LYPD1: variants seen among roughly 807,000 people sequenced by gnomAD.
LYPD1 encodes LY6/PLAUR domain containing 1, also known as ly6/PLAUR domain-containing protein 1.
A neutral mutation model predicts 14.2 loss-of-function variants in LYPD1; 14 were observed. The observed-to-expected ratio is 0.99, with a 90% CI of 0.65 to 1.54. LYPD1 has a LOEUF of 1.54. LYPD1 is among the 40% of genes most tolerant of loss of function. The pLI is 0.00. For missense variants in LYPD1, 165 were observed against 175.7 expected, an observed-to-expected ratio of 0.94 and a Z score of 0.34; for synonymous variants, 85 against 70.6, an observed-to-expected ratio of 1.20 and a Z score of -1.02.
In LYPD1 at chr2:132,643,439, G is replaced by A. The variant is rs1236249538; in HGVS notation, c.*2606C>T. On this transcript the variant is annotated 3_prime_UTR_variant, in exon 3 of 3. Coordinates refer to ENST00000397463, the MANE Select transcript of LYPD1 (RefSeq NM_144586.7). ...ACAGCTAGGGTCCCCTCCAACAGCA[G>A]GCAAGGAATACTCAGGCCAGTGCAT... Among the ~76,000 whole-genome samples the A allele has an allele frequency of 6.6e-6, 1 of 152,176 alleles. No individual in the cohort carries two copies. The highest frequency in any genetic ancestry group is 1.9e-4 in the East Asian group (1 of 5,184).
chr2:132,647,560 T>C (rs1041091754), intron 2 of LYPD1, among the ~76,000 whole-genome samples: 8 of 152,252 alleles, frequency 5.3e-5, no homozygotes, highest in African/African-American at 1.9e-4. Context: ...CTCGATCTCC[T>C]GACCTTGTGA....
At position 132,645,231 on chromosome 2, in the gene LYPD1, G is replaced by A. The variant is rs374846430; in HGVS notation, c.*814C>T. 1.6e-4 allele frequency: 256 copies of A among 1,614,010 alleles called. No individual in the cohort carries two copies. Among genetic ancestry groups the A allele is most frequent in the Non-Finnish European group, 1.5e-4 (176 of 1,180,036 alleles). On this transcript the variant is annotated 3_prime_UTR_variant, in exon 3 of 3. Transcript: ENST00000397463. ...CGTACATGATCCTCCTCCCCTTCTC[G>A]GAGACGTTTTTCTACCTCAGCTCGG... is the stretch of plus-strand genomic sequence containing the variant.
At chr2:132,666,857 G>A (rs537869742) in intron 2 of LYPD1, 1 of 152,286 alleles carries the variant, frequency 6.6e-6, no homozygotes, top group South Asian at 2.1e-4. Context: ...ATGACACCCA[G>A]GTAAGCAGTG....
intron 2 of LYPD1, among the ~76,000 whole-genome samples, chr2:132,651,812 C>T (rs74628214): frequency 0.065 from 9,951 of 152,266 alleles, 457 homozygotes; most frequent in Non-Finnish European, 0.097. Context: ...CATGTAAGTG[C>T]GTGAGTTGCC....
At chr2:132,657,599 C>G (rs1244109077) in intron 2 of LYPD1, among the ~76,000 whole-genome samples, 1 of 152,114 alleles carries the variant, frequency 6.6e-6, no homozygotes, top group Admixed American at 6.6e-5. Flanking sequence ...CCCAAAGCAC[C>G]CTTATATTTG....
chr2:132,657,518 T>C (rs908040781), intron 2 of LYPD1, among the ~76,000 whole-genome samples: 5 of 152,210 alleles, frequency 3.3e-5, no homozygotes, highest in Non-Finnish European at 5.9e-5. Flanking sequence ...CACCCAAATG[T>C]AGGGAAGAGA....
intron 2 of LYPD1, among the ~76,000 whole-genome samples, chr2:132,651,997 G>A (rs897146586): frequency 1.3e-5 from 2 of 152,210 alleles, no homozygotes; most frequent in Non-Finnish European, 2.9e-5. Context: ...GGAAGGAATG[G>A]CTGGGTTCTA....
At chr2:132,659,365 A>C (rs1359140923) in intron 2 of LYPD1, among the ~76,000 whole-genome samples, 1 of 152,168 alleles carries the variant, frequency 6.6e-6, no homozygotes, top group Non-Finnish European at 1.5e-5. Flanking sequence ...AAAGAGAGAG[A>C]GAGCATGAGA....
Position 132,645,855 on chromosome 2 carries a change from A to G in LYPD1, c.*190T>C. On this transcript the variant is annotated 3_prime_UTR_variant, in exon 3 of 3. Coordinates refer to ENST00000397463, the MANE Select transcript of LYPD1 (RefSeq NM_144586.7). ...TCCTTCAAGTACATACTGAAAATTC[A>G]GTCAGGCTGAATTTATTCAGAATGC... The G allele has an allele frequency of 3.0e-6, 2 of 665,660 alleles. No homozygotes were observed. Among genetic ancestry groups the G allele is most frequent in the Non-Finnish European group, 5.0e-6 (2 of 402,970 alleles). 41.2% of individuals were successfully genotyped at this position (665,660 alleles called of 1,614,324 possible).
chr2:132,652,203 G>A (rs1682385613), intron 2 of LYPD1, among the ~76,000 whole-genome samples: 1 of 152,168 alleles, frequency 6.6e-6, no homozygotes, highest in Non-Finnish European at 1.5e-5. Context: ...ATACACTACA[G>A]ATTTTACTAG....
chr2:132,660,611 G>A (rs935839216), intron 2 of LYPD1: 6 of 152,144 alleles, frequency 3.9e-5, no homozygotes, highest in Admixed American at 2.0e-4. Context: ...TTACAGGTAT[G>A]GCCTCTTTTG....
chr2:132,645,327 C>T lies in LYPD1; in HGVS notation c.*718G>A, dbSNP rs1476804848. On this transcript the variant is annotated 3_prime_UTR_variant, in exon 3 of 3. Transcript: ENST00000397463. ...GGGTGTTCGTGCAGGTGCTGTGCTG[C>T]CGCCTGTCGCTGCAGCACGCCAACC... 1 of 1,614,188 alleles carries T rather than the reference C, an allele frequency of 6.2e-7. No individual in the cohort carries two copies. Among genetic ancestry groups the T allele is most frequent in the Admixed American group, 1.7e-5 (1 of 60,026 alleles).
rs368103478 is a variant in LYPD1 at position 132,666,299 on chromosome 2, G to GC, written c.190+2100dup. ...AATGGAAGTGCTTTGGAGGTATAAG[G>GC]CCCCCCTGGACATTGCTCTTTTGAT... On this transcript the variant is annotated intron_variant, in intron 2 of 2. Coordinates refer to ENST00000397463, the MANE Select transcript of LYPD1 (RefSeq NM_144586.7). Among the ~76,000 whole-genome samples the GC allele has an allele frequency of 2.0e-3, 312 of 152,216 alleles. 1 individual carries two copies. The highest frequency in any genetic ancestry group is 7.1e-3 in the African/African-American group (294 of 41,534).
chr2:132,662,067 C>A (rs1360008019), intron 2 of LYPD1, among the ~76,000 whole-genome samples: 1 of 152,036 alleles, frequency 6.6e-6, no homozygotes, highest in Non-Finnish European at 1.5e-5. Flanking sequence ...TCTTTGTGAA[C>A]CTTCTAAATT....
upstream of LYPD1, among the ~76,000 whole-genome samples, chr2:132,670,467 A>G (rs1026892912): frequency 2.0e-5 from 3 of 152,112 alleles, no homozygotes; most frequent in Admixed American, 6.5e-5. This position sits in a 1 kb window ranked among gnomAD's most constrained non-coding sequence, Gnocchi z 4.5. Context: ...AGGGCGCAGC[A>G]GGTGCCGTGG....
chr2:132,651,724 C>G (rs1573729621), intron 2 of LYPD1, among the ~76,000 whole-genome samples: 1 of 152,154 alleles, frequency 6.6e-6, no homozygotes, highest in African/African-American at 2.4e-5. Flanking sequence ...TTAAGCATAC[C>G]ATTTATGTAA....
rs1573719527 is a variant in LYPD1, at chr2:132,645,595, C to A, written c.*450G>T. ...TGCTGCAGAGAATGGTTTTCAGGAG[C>A]ATGAAGTTTGAATGTCAAGCGAGGG... On this transcript the variant is annotated 3_prime_UTR_variant, in exon 3 of 3. Coordinates refer to ENST00000397463, the MANE Select transcript of LYPD1 (RefSeq NM_144586.7). 6.2e-7 allele frequency: 1 copy of A among 1,610,454 alleles called. No homozygotes were observed. The highest frequency in any genetic ancestry group is 1.1e-5 in the South Asian group (1 of 90,652).
intron 2 of LYPD1, among the ~76,000 whole-genome samples, chr2:132,659,142 G>A (rs774958260): frequency 3.9e-5 from 6 of 152,140 alleles, no homozygotes; most frequent in Non-Finnish European, 7.3e-5. Context: ...AAAGTAAAAG[G>A]TATATTCAAC....
intron 2 of LYPD1, among the ~76,000 whole-genome samples, chr2:132,666,384 C>T (rs2104926570): frequency 6.6e-6 from 1 of 152,300 alleles, no homozygotes; most frequent in South Asian, 2.1e-4. Context: ...GCCTTGCTTC[C>T]ATGTGCACAC....
Sources: gnomAD v4.1 joint callset for allele counts (sites outside exome capture counted in the v4.1 genomes callset) on GRCh38, gnomAD v4.1.1 for gene constraint, Gnocchi (gnomAD v3.1) non-coding constraint, MANE v1.5 for transcripts, NCBI Gene and HGNC (gene_info 2026-07-23, HGNC 2026-07-21) for gene names.